The following TMEM132D variants were observed in gnomAD, a reference collection of about 807,000 sequenced individuals.
TMEM132D encodes transmembrane protein 132D.
In TMEM132D, 21 loss-of-function variants were observed where a neutral mutation model predicts 62.3. That is an observed-to-expected ratio of 0.34 (90% CI 0.24 to 0.49). The LOEUF (loss-of-function observed/expected upper bound fraction) is 0.49. TMEM132D is among the 20% of genes least tolerant of loss of function. TMEM132D has a pLI of 0.99. For synonymous variants in TMEM132D, 621 were observed against 575.6 expected (o/e 1.08, Z -1.13); for missense variants, 1,346 against 1,402.8 (o/e 0.96, Z 0.65).
At position 129,355,966 on chromosome 12, in the gene TMEM132D, C is replaced by T. The variant is rs971545217; in HGVS notation, c.1116-18149G>A. Among the ~76,000 whole-genome samples the T allele has an allele frequency of 2.0e-4, 30 of 152,210 alleles. No individual in the cohort carries two copies. In the East Asian group the frequency reaches 4.7e-3, roughly 24 times the overall value. On this transcript the variant is annotated intron_variant, in intron 3 of 8. Coordinates refer to ENST00000422113, the MANE Select transcript of TMEM132D (RefSeq NM_133448.3). ...ATCGCTTGCCCTCCAGAGCCACCCC[C>T]GACGGGATCAGGGTGAAGCTACCCT...
At chr12:129,682,345 C>T (rs1163208788) in intron 2 of TMEM132D, among the ~76,000 whole-genome samples, 1 of 152,170 alleles carries the variant, frequency 6.6e-6, no homozygotes, top group Non-Finnish European at 1.5e-5. Flanking sequence ...ACCCCAGGAA[C>T]TGAGGCCCAG....
intron 1 of TMEM132D, among the ~76,000 whole-genome samples, chr12:129,794,873 C>T (rs555043931): frequency 6.6e-5 from 10 of 152,140 alleles, no homozygotes; most frequent in African/African-American, 1.4e-4. Context: ...TTTCCTCCTG[C>T]GTAAATAGGA....
intron 4 of TMEM132D, among the ~76,000 whole-genome samples, chr12:129,285,808 A>G (rs564587661): frequency 2.0e-5 from 3 of 152,158 alleles, no homozygotes; most frequent in South Asian, 2.1e-4. Flanking sequence ...TTCAACCCAC[A>G]TCACTCTTCT....
At chr12:129,604,519 C>T (rs910509398) in intron 2 of TMEM132D, among the ~76,000 whole-genome samples, 2 of 152,126 alleles carry the variant, frequency 1.3e-5, no homozygotes, top group African/African-American at 4.8e-5. Context: ...GGAGCACGAG[C>T]GTTGGATCCT....
intron 5 of TMEM132D, among the ~76,000 whole-genome samples, chr12:129,168,050 T>C (rs994146655): frequency 7.9e-5 from 12 of 152,216 alleles, no homozygotes; most frequent in African/African-American, 2.4e-5. Context: ...GTAAAAATTA[T>C]AGCCATATTC....
At chr12:129,077,653 C>T in intron 8 of TMEM132D, among the ~76,000 whole-genome samples, 1 of 150,646 alleles carries the variant, frequency 6.6e-6, no homozygotes, top group Admixed American at 6.6e-5. Context: ...TGCATACGGA[C>T]ACACATAAAG....
chr12:129,173,527 T>G (rs1403419658), intron 5 of TMEM132D, among the ~76,000 whole-genome samples: 2 of 152,248 alleles, frequency 1.3e-5, no homozygotes, highest in African/African-American at 2.4e-5. Flanking sequence ...CTTCATCTGA[T>G]GAGTGGATGA....
In TMEM132D at chr12:129,276,021, G is replaced by A. The variant is rs561353743; in HGVS notation, c.1299+61613C>T. Among the ~76,000 whole-genome samples the A allele has an allele frequency of 1.0e-4, 15 of 143,928 alleles. No homozygotes were observed. In the South Asian group the frequency reaches 2.9e-3, roughly 28 times the overall value. 94.4% of individuals were successfully genotyped at this position (143,928 alleles called of 152,430 possible). A position where few individuals can be genotyped will look rare whatever the true frequency, so the allele number is the denominator to read the frequency against. ...ATCCCGCAGTCTGCTTTCCAGGCAC[G>A]TGGATGCACAGGTTTGTTTGTTTGT... On this transcript the variant is annotated intron_variant, in intron 4 of 8. Transcript: ENST00000422113.
intron 3 of TMEM132D, among the ~76,000 whole-genome samples, chr12:129,446,463 C>A (rs1227906957): frequency 6.6e-6 from 1 of 152,172 alleles, no homozygotes. Flanking sequence ...GGAATTGGGT[C>A]ATAGCAGGAA....
chr12:129,318,781 G>T (rs1440355414), intron 4 of TMEM132D, among the ~76,000 whole-genome samples: 2 of 152,088 alleles, frequency 1.3e-5, no homozygotes, highest in Non-Finnish European at 2.9e-5. Context: ...CCTTGGGTGG[G>T]TCTTGCTGCT....
intron 2 of TMEM132D, among the ~76,000 whole-genome samples, chr12:129,555,627 G>A (rs1341195246): frequency 6.6e-6 from 1 of 152,148 alleles, no homozygotes; most frequent in East Asian, 1.9e-4. Context: ...CTAATTGTCA[G>A]GGAAAGATAA....
At chr12:129,849,884 C>A (rs994087369) in intron 1 of TMEM132D, among the ~76,000 whole-genome samples, 13 of 152,264 alleles carry the variant, frequency 8.5e-5, no homozygotes, top group South Asian at 2.1e-4. Context: ...CTGCGTGACC[C>A]CTGAATATAC....
Position 129,201,865 on chromosome 12 carries a change from C to T in TMEM132D, c.1443+7655G>A, listed in dbSNP as rs532229700. ...TTCTAAATAAAACACCCTAAGCTAG[C>T]GCCAGGCTGGACTTTTCAATCATGT... On this transcript the variant is annotated intron_variant, in intron 5 of 8. Transcript: ENST00000422113. 5.9e-5 allele frequency among the ~76,000 whole-genome samples: 9 copies of T among 152,262 alleles called. No homozygotes were observed. In the East Asian group the frequency reaches 1.2e-3, roughly 20 times the overall value.
intron 2 of TMEM132D, among the ~76,000 whole-genome samples, chr12:129,537,197 G>A (rs976703392): frequency 6.7e-6 from 1 of 149,226 alleles, no homozygotes; most frequent in South Asian, 2.1e-4. Context: ...CTTTATATAG[G>A]TTTTTATGTT....
At chr12:129,194,787 A>G (rs982956518) in intron 5 of TMEM132D, among the ~76,000 whole-genome samples, 1 of 152,182 alleles carries the variant, frequency 6.6e-6, no homozygotes, top group African/African-American at 2.4e-5. Context: ...CCTTATCCAA[A>G]TGAAGAAAAT....
At chr12:129,446,013 A>T (rs902293201) in intron 3 of TMEM132D, among the ~76,000 whole-genome samples, 1 of 152,104 alleles carries the variant, frequency 6.6e-6, no homozygotes, top group Non-Finnish European at 1.5e-5. Context: ...CTGGGACTTT[A>T]TACAGCTCTA....
chr12:129,101,608 C>G (rs1875310209), intron 5 of TMEM132D, among the ~76,000 whole-genome samples: 1 of 152,184 alleles, frequency 6.6e-6, no homozygotes, highest in Admixed American at 6.5e-5. Flanking sequence ...CTACGTTTCC[C>G]GAGGTTGCTT....
chr12:129,413,017 C>A (rs944068490), intron 3 of TMEM132D, among the ~76,000 whole-genome samples: 15 of 152,164 alleles, frequency 9.9e-5, no homozygotes, highest in African/African-American at 3.4e-4. Context: ...TACGATAGAC[C>A]ACAGTAGTCC....
intron 5 of TMEM132D, among the ~76,000 whole-genome samples, chr12:129,127,520 A>T (rs1359361446): frequency 6.6e-6 from 1 of 152,146 alleles, no homozygotes; most frequent in Non-Finnish European, 1.5e-5. Context: ...AGCCCAATGC[A>T]CAAGAAAATC....
Sources: gnomAD v4.1 joint callset for allele counts (sites outside exome capture counted in the v4.1 genomes callset) on GRCh38, gnomAD v4.1.1 for gene constraint, MANE v1.5 for transcripts, NCBI Gene and HGNC (gene_info 2026-07-23, HGNC 2026-07-21) for gene names.